Variants in KCNN2 observed in about 807,000 individuals in gnomAD.
KCNN2 encodes the protein potassium calcium-activated channel subfamily N member 2.
A neutral mutation model predicts 55.5 loss-of-function variants in KCNN2; 24 were observed. The ratio of observed to expected loss-of-function variants is 0.43; its 90% CI spans 0.31 to 0.61. The LOEUF (loss-of-function observed/expected upper bound fraction) is 0.61, where lower values mean the gene tolerates loss of function less well. Ranked by LOEUF, KCNN2 falls within the 20% of genes least tolerant of loss-of-function variation. The probability of loss-of-function intolerance (pLI) is 0.08; values close to 1 mark genes in which losing one functional copy is unlikely to be tolerated. For synonymous variants in KCNN2, 431 were observed against 336.1 expected (o/e 1.28, Z -3.09); for missense variants, 754 against 853.6 (o/e 0.88, Z 1.45).
At chr5:114,094,285 G>A (rs901686173) in intron 1 of KCNN2, among the ~76,000 whole-genome samples, 1 of 152,080 alleles carries the variant, frequency 6.6e-6, no homozygotes, top group African/African-American at 2.4e-5. Flanking sequence ...CTTCAGCACA[G>A]AATAGATTAT....
chr5:114,082,569 C>T (rs1750848914), intron 1 of KCNN2, among the ~76,000 whole-genome samples: 2 of 152,020 alleles, frequency 1.3e-5, no homozygotes, highest in East Asian at 1.9e-4. Context: ...ACCACATGAC[C>T]CAGCAATTCT....
At chr5:114,397,098 C>T (rs576288989) in intron 2 of KCNN2, among the ~76,000 whole-genome samples, 17 of 152,240 alleles carry the variant, frequency 1.1e-4, no homozygotes, top group Non-Finnish European at 2.4e-4. Context: ...TGTACACATA[C>T]CATATTTTCT....
At chr5:114,442,830 T>C (rs1348614283) in intron 3 of KCNN2, among the ~76,000 whole-genome samples, 1 of 152,078 alleles carries the variant, frequency 6.6e-6, no homozygotes, top group Non-Finnish European at 1.5e-5. Context: ...ATGAAACACT[T>C]GTGAACTCGG....
intron 2 of KCNN2, among the ~76,000 whole-genome samples, chr5:114,292,314 T>C (rs1272476564): frequency 6.6e-6 from 1 of 152,260 alleles, no homozygotes; most frequent in East Asian, 1.9e-4. Flanking sequence ...CTAGGGTTTT[T>C]ATGGGTTTAG....
intron 1 of KCNN2, among the ~76,000 whole-genome samples, chr5:114,109,171 C>T (rs111284070): frequency 0.046 from 7,011 of 152,074 alleles, 536 homozygotes; most frequent in African/African-American, 0.16. Context: ...GGATTCAGGT[C>T]CTCATGGATT....
At chr5:114,486,778 G>A in intron 5 of KCNN2, 3 of 1,321,192 alleles carry the variant, frequency 2.3e-6, no homozygotes, top group Non-Finnish European at 3.0e-6. Flanking sequence ...AAAAATAGTT[G>A]AATAAAAAAG....
chr5:114,227,351 A>C (rs1754256890), intron 2 of KCNN2, among the ~76,000 whole-genome samples: 2 of 152,132 alleles, frequency 1.3e-5, no homozygotes, highest in Non-Finnish European at 1.5e-5. Context: ...CCTAGTTCAA[A>C]TTCCTTTTTA....
intron 1 of KCNN2, among the ~76,000 whole-genome samples, chr5:114,095,537 G>T (rs1035729584): frequency 1.3e-5 from 2 of 152,140 alleles, no homozygotes; most frequent in African/African-American, 2.4e-5. Flanking sequence ...TATCATAAAA[G>T]GTTCCATTTA....
intron 2 of KCNN2, among the ~76,000 whole-genome samples, chr5:114,335,868 G>T (rs1425080727): frequency 6.6e-6 from 1 of 152,154 alleles, no homozygotes; most frequent in East Asian, 1.9e-4. Context: ...ATGGAGGATG[G>T]TGGATAGTTT....
intron 3 of KCNN2, among the ~76,000 whole-genome samples, chr5:114,451,852 A>C (rs545911089): frequency 8.8e-4 from 134 of 151,452 alleles, no homozygotes; most frequent in Non-Finnish European, 1.1e-3. Flanking sequence ...AGCCAAGATC[A>C]CGCCACTACA....
intron 1 of KCNN2, among the ~76,000 whole-genome samples, chr5:114,215,614 C>G (rs568961200): frequency 6.6e-6 from 1 of 152,094 alleles, no homozygotes; most frequent in East Asian, 1.9e-4. Context: ...CTTTTGCATT[C>G]CCTCCTTGAG....
At chr5:114,197,436 A>G (rs1448600214) in intron 1 of KCNN2, among the ~76,000 whole-genome samples, 5 of 152,274 alleles carry the variant, frequency 3.3e-5, no homozygotes, top group South Asian at 2.1e-4. Flanking sequence ...GAAGTCTCCA[A>G]TGATCATTGT....
chr5:114,397,186 G>A (rs978949367), intron 2 of KCNN2, among the ~76,000 whole-genome samples: 3 of 152,104 alleles, frequency 2.0e-5, no homozygotes, highest in South Asian at 2.1e-4. Context: ...GTGAACATAC[G>A]CGTACGTGTA....
intron 1 of KCNN2, among the ~76,000 whole-genome samples, chr5:114,134,028 C>G (rs767239529): frequency 1.3e-5 from 2 of 152,180 alleles, no homozygotes; most frequent in Non-Finnish European, 2.9e-5. Context: ...TGCAGTTCAT[C>G]AGGAGGTCTC....
intron 1 of KCNN2, among the ~76,000 whole-genome samples, chr5:114,127,293 C>T (rs182278849): frequency 1.3e-5 from 2 of 152,278 alleles, no homozygotes; most frequent in African/African-American, 4.8e-5. Context: ...GAGGGCTCTA[C>T]CCCTGAAACA....
rs377550765 is a variant in KCNN2, at chr5:114,304,451, G to A, written c.-184-56494G>A. Among the ~76,000 whole-genome samples, 8 of 152,284 alleles carry A rather than the reference G, an allele frequency of 5.3e-5. No individual in the cohort carries two copies. The South Asian group carries it at 1.2e-3, about 24-fold the overall frequency. ...AGCCTACCCACCCTTATGATTTGGC[G>A]AATCTTATAATATCCAGCTCATGAT... On this transcript the variant is annotated intron_variant, in intron 2 of 10. Coordinates refer to the KCNN2 transcript ENST00000512097.
At chr5:114,177,290 A>G (rs374226491) in intron 1 of KCNN2, among the ~76,000 whole-genome samples, 1 of 151,798 alleles carries the variant, frequency 6.6e-6, no homozygotes, top group African/African-American at 2.4e-5. Context: ...GGAGCCCGCC[A>G]CCGCGCCCGG....
intron 1 of KCNN2, among the ~76,000 whole-genome samples, chr5:114,061,712 C>A (rs1750334754): frequency 6.6e-6 from 1 of 152,110 alleles, no homozygotes; most frequent in Non-Finnish European, 1.5e-5. Context: ...GTTTGTGCAA[C>A]CATTCTGATC....
intron 2 of KCNN2, among the ~76,000 whole-genome samples, chr5:114,243,979 G>C (rs964423171): frequency 1.3e-5 from 2 of 152,172 alleles, no homozygotes; most frequent in African/African-American, 4.8e-5. Flanking sequence ...GATTCACTGA[G>C]GGTAACTGTA....
Sources: gnomAD v4.1 joint callset for allele counts (sites outside exome capture counted in the v4.1 genomes callset) on GRCh38, gnomAD v4.1.1 for gene constraint, MANE v1.5 for transcripts, NCBI Gene and HGNC (gene_info 2026-07-23, HGNC 2026-07-21) for gene names.